The following KIF1A variants were observed in gnomAD, a reference collection of about 807,000 sequenced individuals.
KIF1A encodes the protein kinesin family member 1A.
Under a neutral mutation model 227.3 loss-of-function variants are expected in KIF1A, and 46 were observed. The observed-to-expected ratio is 0.20, with a 90% CI of 0.16 to 0.26. The LOEUF is 0.26. Ranked by LOEUF, KIF1A falls within the 10% of genes least tolerant of loss-of-function variation. KIF1A has a pLI of 1.00. For synonymous variants in KIF1A, 1,022 were observed against 1,012.8 expected (o/e 1.01, Z -0.17); for missense variants, 1,683 against 2,485.9 (o/e 0.68, Z 6.87).
At chr2:240,799,893 C>A in intron 1 of KIF1A, among the ~76,000 whole-genome samples, 1 of 152,152 alleles carries the variant, frequency 6.6e-6, no homozygotes, top group East Asian at 1.9e-4. Flanking sequence ...ATTTCCAGTT[C>A]TCCCCAAATT....
At chr2:240,749,588 G>A (rs2048986419) in intron 28 of KIF1A, among the ~76,000 whole-genome samples, 1 of 152,160 alleles carries the variant, frequency 6.6e-6, no homozygotes. Flanking sequence ...GAAGGGAGTG[G>A]GACCTTCCCT....
In KIF1A at chr2:240,726,696, C is replaced by A; in HGVS notation, c.4122+130G>T. ...TTGTTTTTGTTTTTTAAAAGGCACA[C>A]AAATTTAACCCAGGGACTTGAGAAC... On this transcript the variant is annotated intron_variant, in intron 39 of 48. Transcript: ENST00000498729. This position sits in a 1 kb window ranked among gnomAD's most constrained non-coding sequence, Gnocchi z 5.2. 2.1e-6 allele frequency: 1 copy of A among 480,108 alleles called. No individual in the cohort carries two copies. The highest frequency in any genetic ancestry group is 5.6e-5 in the South Asian group (1 of 17,838). The allele number at this position is 480,108 out of a possible 1,614,324, so 29.7% of individuals were successfully genotyped here.
chr2:240,798,367 C>T (rs1222324756), intron 1 of KIF1A, among the ~76,000 whole-genome samples: 1 of 152,246 alleles, frequency 6.6e-6, no homozygotes, highest in Non-Finnish European at 1.5e-5. Flanking sequence ...CAGCCCTAAG[C>T]AATGGGACAA....
At position 240,758,562 on chromosome 2, in the gene KIF1A, C is replaced by CT. The variant is rs1034311235; in HGVS notation, c.2445-66dup. 26 of 1,448,936 alleles carry CT rather than the reference C, an allele frequency of 1.8e-5. No individual in the cohort carries two copies. The African/African-American group carries it at 3.6e-4, about 20-fold the overall frequency. 89.8% of individuals were successfully genotyped at this position (1,448,936 alleles called of 1,614,324 possible). A position where few individuals can be genotyped will look rare whatever the true frequency, so the allele number is the denominator to read the frequency against. ...CGCTCAGCAGCTGGCACCGCACACC[C>CT]TTATCTCCTGGGGACAGTGGGCTCA... On this transcript the variant is annotated intron_variant, in intron 25 of 48. Transcript: ENST00000498729. The surrounding 1 kb of genome is among the most constrained non-coding windows in gnomAD (Gnocchi z 5.2).
chr2:240,769,773 C>A (rs1029563383), intron 15 of KIF1A, 67 bp from the exon 16 acceptor site: 10 of 1,348,664 alleles, frequency 7.4e-6, no homozygotes, highest in Non-Finnish European at 1.0e-5. Context: ...AATGGAGACA[C>A]GGGTGCCAGG....
intron 10 of KIF1A, among the ~76,000 whole-genome samples, chr2:240,781,534 C>T (rs190354814): frequency 2.0e-5 from 3 of 152,078 alleles, no homozygotes; most frequent in Admixed American, 6.5e-5. Context: ...CTCACAGTCC[C>T]GCACAATCTG....
chr2:240,782,922 G>T, intron 9 of KIF1A, 122 bp downstream of exon 9: 1 of 843,706 alleles, frequency 1.2e-6, no homozygotes. Context: ...CCATCTCCGG[G>T]CTCTCCCTTG....
intron 2 of KIF1A, among the ~76,000 whole-genome samples, chr2:240,797,004 TG>T (rs1402729299): frequency 2.0e-5 from 3 of 152,076 alleles, no homozygotes; most frequent in Non-Finnish European, 4.4e-5. Flanking sequence ...GAAGACCAGG[TG>T]GCTGTTCATG....
At chr2:240,812,906 G>A (rs2058012754) in intron 1 of KIF1A, among the ~76,000 whole-genome samples, 6 of 143,204 alleles carry the variant, frequency 4.2e-5, no homozygotes, top group Non-Finnish European at 6.0e-5. Context: ...TCGGGGATCC[G>A]CCTTCACCTC....
At chr2:240,802,096 GAAA>G (rs11367239) in intron 1 of KIF1A, among the ~76,000 whole-genome samples, 15 of 101,672 alleles carry the variant, frequency 1.5e-4, no homozygotes, top group African/African-American at 4.9e-4. Context: ...AAGTCAGCCA[GAAA>G]AAAAAAAAAA....
At chr2:240,784,284 A>G (rs1000737141) in intron 7 of KIF1A, among the ~76,000 whole-genome samples, 2 of 152,082 alleles carry the variant, frequency 1.3e-5, no homozygotes, top group Non-Finnish European at 2.9e-5. Context: ...GGGCACCCGC[A>G]GTCTGGGGTG....
At chr2:240,761,769 G>A (rs550906281) in intron 23 of KIF1A, among the ~76,000 whole-genome samples, 2 of 152,334 alleles carry the variant, frequency 1.3e-5, no homozygotes, top group South Asian at 4.1e-4. Context: ...AGGCCGCCAC[G>A]AGCAGCCTTG....
At chr2:240,721,628 C>T (rs927060259) in intron 44 of KIF1A, among the ~76,000 whole-genome samples, 179 bp downstream of exon 44, 6 of 152,212 alleles carry the variant, frequency 3.9e-5, no homozygotes. Context: ...TCCCATGGAC[C>T]CCAGGCCGAC....
chr2:240,741,239 C>T (rs533766288), intron 35 of KIF1A, 30 bp downstream of exon 35: 87 of 1,483,998 alleles, frequency 5.9e-5, no homozygotes, highest in South Asian at 4.8e-5. Context: ...CACACACTCA[C>T]GCCCTGGGGG....
chr2:240,788,036 C>T lies in KIF1A; in HGVS notation c.363+15G>A, dbSNP rs778360349. ...CATCTGCCAGGGCTGCCCCCGCCCG[C>T]CCCCCGCTTCGTGCCTGTGGGATGA... On this transcript the variant is annotated intron_variant, in intron 4 of 48. Transcript: ENST00000498729. This position sits in a 1 kb window ranked among gnomAD's most constrained non-coding sequence, Gnocchi z 6.6. 2.7e-6 allele frequency: 4 copies of T among 1,481,086 alleles called. No individual in the cohort carries two copies. The highest frequency in any genetic ancestry group is 3.7e-6 in the Non-Finnish European group (4 of 1,086,574). 91.7% of individuals were successfully genotyped at this position (1,481,086 alleles called of 1,614,324 possible). A position where few individuals can be genotyped will look rare whatever the true frequency, so the allele number is the denominator to read the frequency against.
chr2:240,762,785 G>A lies in KIF1A; in HGVS notation c.2050C>T (p.Gln684Ter). 6.3e-7 allele frequency: 1 copy of A among 1,599,660 alleles called. No homozygotes were observed. Among genetic ancestry groups the A allele is most frequent in the Non-Finnish European group, 8.5e-7 (1 of 1,170,244 alleles). Residue 684 changes from glutamine (Q) to a stop codon, truncating the protein, a stop_gained, in exon 23 of 49, where the codon CAG becomes TAG. Coordinates refer to ENST00000498729, the MANE Select transcript of KIF1A (RefSeq NM_001244008.2). LOFTEE classifies it high-confidence loss of function. ...LDYESKLEAL[Q>*]KQMDSRYYPE... ...TAGTACCTGGAGTCCATCTGCTTCT[G>A]CAGAGCCTCCAGCTTGCTCTCATAG...
rs117171329 is a variant in KIF1A at position 240,789,220 on chromosome 2, C to T, written c.183+16G>A. On this transcript the variant is annotated intron_variant, in intron 3 of 48. Coordinates refer to ENST00000498729, the MANE Select transcript of KIF1A (RefSeq NM_001244008.2). The surrounding 1 kb of genome is among the most constrained non-coding windows in gnomAD (Gnocchi z 4.8). ...ACTGCTGCCCCCGCCTCCCCCGACC[C>T]GGGGTCCCGGCTTACTGAGGTGTGC... 46 of 1,611,100 alleles carry T rather than the reference C, an allele frequency of 2.9e-5. No homozygotes were observed. Among genetic ancestry groups the T allele is most frequent in the African/African-American group, 4.0e-5 (3 of 74,854 alleles).
chr2:240,741,258 C>T lies in KIF1A; in HGVS notation c.3749+11G>A, dbSNP rs1363823117. On this transcript the variant is annotated intron_variant, in intron 35 of 48. Coordinates refer to ENST00000498729, the MANE Select transcript of KIF1A (RefSeq NM_001244008.2). ...CACTCACGCCCTGGGGGCCCCAGCA[C>T]CAGCACTCACTCGCCGTTGGCCTCC... The T allele has an allele frequency of 1.3e-6, 2 of 1,569,210 alleles. No homozygotes were observed. The highest frequency in any genetic ancestry group is 1.8e-5 in the Admixed American group (1 of 55,298).
chr2:240,777,106 C>T (rs1194997715), intron 10 of KIF1A, among the ~76,000 whole-genome samples: 1 of 152,184 alleles, frequency 6.6e-6, no homozygotes, highest in Admixed American at 6.5e-5. Context: ...TGCAGTGGCA[C>T]GATCGCGGCT....
Sources: allele counts gnomAD v4.1 joint callset (sites outside exome capture counted in the v4.1 genomes callset), GRCh38; gene constraint gnomAD v4.1.1; non-coding constraint Gnocchi (gnomAD v3.1); transcripts MANE v1.5; gene names NCBI Gene and HGNC (gene_info 2026-07-23, HGNC 2026-07-21).